Variants in DOP1A observed in about 807,000 individuals in gnomAD.
The protein encoded by DOP1A is DOP1 leucine zipper like protein A.
A neutral mutation model predicts 267.6 loss-of-function variants in DOP1A; 90 were observed. The observed-to-expected ratio is 0.34, with a 90% CI of 0.28 to 0.40. The LOEUF is 0.40. DOP1A is among the 10% of genes least tolerant of loss of function. DOP1A has a pLI of 1.00. For synonymous variants in DOP1A, 932 were observed against 999.1 expected, an observed-to-expected ratio of 0.93 and a Z score of 1.27; for missense variants, 2,437 against 2,900.4, an observed-to-expected ratio of 0.84 and a Z score of 3.67.
chr6:83,132,426 T>C, intron 18 of DOP1A, 98 bp downstream of exon 18: 1 of 1,307,484 alleles, frequency 7.6e-7, no homozygotes, highest in Non-Finnish European at 1.0e-6. Flanking sequence ...ATTATTGCAA[T>C]TAACATCGGA....
intron 24 of DOP1A, 45 bp downstream of exon 24, chr6:83,142,091 A>C (rs1271570652): frequency 6.3e-7 from 1 of 1,595,732 alleles, no homozygotes; most frequent in African/African-American, 1.4e-5. Flanking sequence ...GCATTTGGTG[A>C]GTACATGCTA....
Position 83,137,858 on chromosome 6 carries a change from C to T in DOP1A, c.3816C>T (p.Phe1272=). 4.3e-6 allele frequency: 7 copies of T among 1,613,212 alleles called. No homozygotes were observed. The highest frequency in any genetic ancestry group is 5.9e-6 in the Non-Finnish European group (7 of 1,179,788). Residue 1272 remains phenylalanine (F), a synonymous_variant, in exon 21 of 39, where the codon TTC becomes TTT. Transcript: ENST00000349129. ...QRSHSSIQFS[F]KEKLSEKVSE... is the part of the protein sequence containing the mutation. ...GTCACAGTAGTATTCAATTCAGCTT[C>T]AAAGAAAAATTATCAGAAAAAGTTT...
rs144621242 is a variant in DOP1A, at chr6:83,107,118, G to C, written c.321-1792G>C. Among the ~76,000 whole-genome samples, 723 of 151,970 alleles carry C rather than the reference G, an allele frequency of 4.8e-3. 5 individuals carry two copies. Among genetic ancestry groups the C allele is most frequent in the African/African-American group, 0.016 (683 of 41,492 alleles). ...GATAGAGTTTGGTAGCTTTAAGCCA[G>C]AAGGTTAGTTAGAATAAAGATTTTG... On this transcript the variant is annotated intron_variant, in intron 4 of 38. Transcript: ENST00000349129.
rs764600695 is a variant in DOP1A, at chr6:83,139,012, A to G, written c.4970A>G (p.His1657Arg). The G allele has an allele frequency of 2.5e-6, 4 of 1,614,116 alleles. No homozygotes were observed. In the East Asian group the frequency reaches 8.9e-5, roughly 36 times the overall value. The change falls in exon 21 of 39, where the codon CAC becomes CGC. Residue 1657 changes from histidine (H) to arginine (R), a missense_variant. His to Arg is a conservative substitution (Grantham distance 29). Transcript: ENST00000349129. ...ALHQHCACKMHPQWIGLITST... is the reference protein window; with the variant it reads ...ALHQHCACKMRPQWIGLITST... Reference sequence around the variant, plus strand: ...CATCAGCACTGTGCATGTAAGATGCACCCACAATGGATTGGTTTAATCACA... The same window carrying G: ...CATCAGCACTGTGCATGTAAGATGCGCCCACAATGGATTGGTTTAATCACA...
At chr6:83,108,617 C>T (rs1774047212) in intron 4 of DOP1A, among the ~76,000 whole-genome samples, 1 of 152,164 alleles carries the variant, frequency 6.6e-6, no homozygotes, top group South Asian at 2.1e-4. Context: ...ACAGTTATTA[C>T]AGGGAAGGCA....
At position 83,158,280 on chromosome 6, in the gene DOP1A, T is replaced by C. The variant is rs533316356; in HGVS notation, c.6742-287T>C. On this transcript the variant is annotated intron_variant, in intron 35 of 38. Transcript: ENST00000349129. The stretch of plus-strand genomic sequence containing the variant: ...CCTCCCAAAGTGCTGGGATTACAGG[T>C]GTGAGCCACCACACCAGACCTATTT... Among the ~76,000 whole-genome samples the C allele has an allele frequency of 3.9e-5, 6 of 152,156 alleles. No individual in the cohort carries two copies. The South Asian group carries it at 8.3e-4, about 21-fold the overall frequency.
At chr6:83,073,685 G>T (rs181319540) in intron 1 of DOP1A, among the ~76,000 whole-genome samples, 1 of 152,168 alleles carries the variant, frequency 6.6e-6, no homozygotes, top group Admixed American at 6.5e-5. Flanking sequence ...TTGTCAGAGG[G>T]GATAGGGAAG....
chr6:83,149,213 G>T (rs57970996), intron 27 of DOP1A, among the ~76,000 whole-genome samples: 1,836 of 152,202 alleles, frequency 0.012, 26 homozygotes, highest in African/African-American at 0.037. Context: ...CACTTGAGCT[G>T]GGCCCCAAAC....
intron 11 of DOP1A, 74 bp from the exon 12 acceptor site, chr6:83,122,789 C>A: frequency 8.7e-7 from 1 of 1,151,204 alleles, no homozygotes; most frequent in Non-Finnish European, 1.2e-6. Flanking sequence ...TGTACTGGCA[C>A]TGCACTCAAA....
At chr6:83,152,418 TA>T in intron 30 of DOP1A, 51 bp downstream of exon 30, 1 of 850,830 alleles carries the variant, frequency 1.2e-6, no homozygotes, top group Non-Finnish European at 1.7e-6. Context: ...GTTTCATTAT[TA>T]AAAATTAGCA....
chr6:83,158,665 C>A (rs45469502), intron 36 of DOP1A, 43 bp downstream of exon 36: 4 of 1,355,504 alleles, frequency 3.0e-6, no homozygotes, highest in African/African-American at 1.5e-5. Context: ...TTTTTAATAC[C>A]CTGAAATTAT....
chr6:83,121,805 T>G (rs1265775246), intron 10 of DOP1A, 125 bp from the exon 11 acceptor site: 4 of 966,592 alleles, frequency 4.1e-6, no homozygotes, highest in Non-Finnish European at 4.4e-6. Context: ...TTAGCTTAGC[T>G]TCTGAAGAAA....
intron 37 of DOP1A, among the ~76,000 whole-genome samples, chr6:83,161,566 G>A (rs1013369967): frequency 6.6e-6 from 1 of 152,130 alleles, no homozygotes; most frequent in Admixed American, 6.5e-5. Flanking sequence ...GAGCCAATGA[G>A]CAAGACAGTT....
chr6:83,073,266 T>A (rs1168125159), intron 1 of DOP1A: 1 of 159,562 alleles, frequency 6.3e-6, no homozygotes, highest in Admixed American at 6.4e-5. Flanking sequence ...TTGTATTTTT[T>A]AAATAGATAC....
intron 37 of DOP1A, among the ~76,000 whole-genome samples, chr6:83,162,481 G>A (rs762117910): frequency 1.6e-4 from 24 of 152,050 alleles, no homozygotes; most frequent in Non-Finnish European, 2.9e-4. Flanking sequence ...ATGCCTGTTC[G>A]CTAATGAGAA....
intron 33 of DOP1A, 140 bp from the exon 34 acceptor site, chr6:83,155,811 C>A: frequency 1.0e-6 from 1 of 955,260 alleles, no homozygotes; most frequent in South Asian, 1.9e-5. Flanking sequence ...AGCCTGTCTG[C>A]CCCAGAGAGG....
chr6:83,135,278 C>T (rs1778709894), intron 19 of DOP1A, among the ~76,000 whole-genome samples: 1 of 151,850 alleles, frequency 6.6e-6, no homozygotes, highest in South Asian at 2.1e-4. Flanking sequence ...TGCCGACTTG[C>T]CGAAGGCTCA....
At chr6:83,167,336 C>T (rs978187413) in intron 38 of DOP1A, 6 of 985,394 alleles carry the variant, frequency 6.1e-6, no homozygotes, top group Non-Finnish European at 7.2e-6. Flanking sequence ...CTTCCTTTCT[C>T]TGTGATGCAG....
intron 36 of DOP1A, 92 bp downstream of exon 36, chr6:83,158,714 T>C: frequency 1.2e-6 from 1 of 828,548 alleles, no homozygotes; most frequent in Non-Finnish European, 1.9e-6. Flanking sequence ...TATAGTCTTT[T>C]TCTGAATACT....
Sources: gnomAD v4.1 joint callset for allele counts (sites outside exome capture counted in the v4.1 genomes callset) on GRCh38, gnomAD v4.1.1 for gene constraint, MANE v1.5 for transcripts, NCBI Gene and HGNC (gene_info 2026-07-23, HGNC 2026-07-21) for gene names.